Variants in CASD1 observed in about 807,000 individuals in gnomAD.
CASD1 encodes CAS1 domain sialic acid O acetyltransferase 1.
Under a neutral mutation model 100.0 loss-of-function variants are expected in CASD1, and 41 were observed. The observed-to-expected ratio is 0.41, with a 90% CI of 0.32 to 0.53. The LOEUF is 0.53. CASD1 is among the 20% of genes least tolerant of loss of function. CASD1 has a pLI of 0.25. For missense variants in CASD1, 774 were observed against 948.7 expected (o/e 0.82, Z 2.42); for synonymous variants, 321 against 315.6 (o/e 1.02, Z -0.18).
At chr7:94,565,881 T>C in the CASD1 span, among the ~76,000 whole-genome samples, 1 of 152,304 alleles carries the variant, frequency 6.6e-6, no homozygotes, top group East Asian at 1.9e-4. Flanking sequence ...AGGGGAAAGG[T>C]ACCAGGGGTA....
At chr7:94,587,011 A>G in the CASD1 span, 1 of 983,224 alleles carries the variant, frequency 1.0e-6, no homozygotes, top group Non-Finnish European at 1.2e-6. Flanking sequence ...GAAAACAAGA[A>G]GGTAATAGGC....
chr7:94,558,433 A>T (rs1231996266), downstream of CASD1, among the ~76,000 whole-genome samples: 1 of 152,190 alleles, frequency 6.6e-6, no homozygotes, highest in African/African-American at 2.4e-5. Context: ...GATTTTTGGA[A>T]CAGTTGAAAG....
chr7:94,514,069 A>AT, intron 1 of CASD1, among the ~76,000 whole-genome samples: 1 of 152,162 alleles, frequency 6.6e-6, no homozygotes, highest in Admixed American at 6.5e-5. Context: ...ATAAATTTTA[A>AT]TTTTTTAAAT....
chr7:94,587,912 A>G, the CASD1 span: 7 of 1,471,298 alleles, frequency 4.8e-6, no homozygotes, highest in African/African-American at 1.0e-4. Context: ...CTTACTTAAT[A>G]GTTTCCCTAC....
chr7:94,520,447 G>A (rs1213844053), intron 3 of CASD1, among the ~76,000 whole-genome samples: 1 of 152,142 alleles, frequency 6.6e-6, no homozygotes, highest in African/African-American at 2.4e-5. Flanking sequence ...TATGCTTTGT[G>A]GGAGACTAGT....
chr7:94,591,867 G>A, the CASD1 span, among the ~76,000 whole-genome samples: 1 of 152,192 alleles, frequency 6.6e-6, no homozygotes, highest in Non-Finnish European at 1.5e-5. Flanking sequence ...GAAAGCAACT[G>A]TGTGTCTTAT....
At chr7:94,563,092 T>C in the CASD1 span, among the ~76,000 whole-genome samples, 537 of 152,182 alleles carry the variant, frequency 3.5e-3, 10 homozygotes, top group Admixed American at 0.03. Context: ...AGTATCACCT[T>C]TAGGGGGGTT....
the CASD1 span, among the ~76,000 whole-genome samples, chr7:94,615,331 C>T: frequency 6.6e-6 from 1 of 151,812 alleles, no homozygotes; most frequent in Non-Finnish European, 1.5e-5. Context: ...TGCACTCTAG[C>T]CTGGGTGACA....
the CASD1 span, among the ~76,000 whole-genome samples, chr7:94,579,327 C>T: frequency 6.6e-6 from 1 of 151,632 alleles, no homozygotes; most frequent in South Asian, 2.1e-4. Flanking sequence ...TGCATGGACT[C>T]CCAAATTAAG....
the CASD1 span, among the ~76,000 whole-genome samples, chr7:94,616,158 C>A: frequency 6.6e-6 from 1 of 152,066 alleles, no homozygotes; most frequent in Non-Finnish European, 1.5e-5. Context: ...GCAGGTTGGG[C>A]TCATGGGGAC....
In CASD1 at chr7:94,555,417, T is replaced by G. The variant is rs529145039; in HGVS notation, c.2128-75T>G. 1.2e-4 allele frequency: 172 copies of G among 1,413,720 alleles called. 1 individual carries two copies. The African/African-American group carries it at 2.4e-3, about 20-fold the overall frequency. 87.6% of individuals were successfully genotyped at this position (1,413,720 alleles called of 1,614,324 possible). A position where few individuals can be genotyped will look rare whatever the true frequency, so the allele number is the denominator to read the frequency against. ...TTCTAATGTTATTATGCAACCAAATTGTTTAAATTAGGGAAAACTGTAATT... is the reference window on the plus strand; with the variant it reads ...TTCTAATGTTATTATGCAACCAAATGGTTTAAATTAGGGAAAACTGTAATT... On this transcript the variant is annotated intron_variant, in intron 17 of 17. Transcript: ENST00000297273.
the CASD1 span, among the ~76,000 whole-genome samples, chr7:94,610,588 T>A: frequency 6.6e-6 from 1 of 152,142 alleles, no homozygotes; most frequent in East Asian, 1.9e-4. Context: ...AATATGACCT[T>A]GGATTAGGCA....
Position 94,552,168 on chromosome 7 carries a change from G to T in CASD1, c.1957-182G>T, listed in dbSNP as rs10268833. 53,981 of 547,158 alleles carry T rather than the reference G, an allele frequency of 0.099. 3,063 individuals carry two copies. Among genetic ancestry groups the T allele is most frequent in the East Asian group, 0.21 (6,107 of 29,764 alleles). The allele number at this position is 547,158 out of a possible 1,614,324, so 33.9% of individuals were successfully genotyped here. On this transcript the variant is annotated intron_variant, in intron 15 of 17. Transcript: ENST00000297273. ...CCTCCCTCTGTGCTTTCTTATGTTTGGACAGTTGAACATACCAAAACAGGT... is the reference window on the plus strand; with the variant it reads ...CCTCCCTCTGTGCTTTCTTATGTTTTGACAGTTGAACATACCAAAACAGGT...
intron 11 of CASD1, 92 bp from the exon 12 acceptor site, chr7:94,545,453 T>C: frequency 1.2e-6 from 1 of 868,700 alleles, no homozygotes; most frequent in East Asian, 2.5e-5. Flanking sequence ...CCATTTATAC[T>C]CTGTCAGAGA....
the CASD1 span, among the ~76,000 whole-genome samples, chr7:94,612,255 G>GT: frequency 3.0e-4 from 45 of 151,778 alleles, 2 homozygotes; most frequent in African/African-American, 7.7e-4. Context: ...GCTTTGAAAT[G>GT]TTTTTTTTCT....
the CASD1 span, among the ~76,000 whole-genome samples, chr7:94,601,128 G>A: frequency 1.8e-4 from 27 of 152,068 alleles, no homozygotes; most frequent in African/African-American, 6.3e-4. Context: ...TAACGTGTGT[G>A]CCTATACGTG....
chr7:94,557,869 A>C (rs1796259053), downstream of CASD1, among the ~76,000 whole-genome samples: 1 of 152,074 alleles, frequency 6.6e-6, no homozygotes, highest in Non-Finnish European at 1.5e-5. Flanking sequence ...CAATGATAGC[A>C]CCTATATATA....
At chr7:94,575,380 C>T in the CASD1 span, among the ~76,000 whole-genome samples, 6 of 152,070 alleles carry the variant, frequency 3.9e-5, no homozygotes, top group Non-Finnish European at 7.4e-5. Context: ...TTAGTCTTAG[C>T]ATCTGTTTCT....
chr7:94,573,846 TATAATGTTGGCTGTGGGTTTGTC>T, the CASD1 span, among the ~76,000 whole-genome samples: 1 of 152,208 alleles, frequency 6.6e-6, no homozygotes, highest in African/African-American at 2.4e-5. Flanking sequence ...GCCCATTCAG[TATAATGTTGGCTGTGGGTTTGTC>T]ATAGATGGCT....
Sources: allele counts gnomAD v4.1 joint callset (sites outside exome capture counted in the v4.1 genomes callset), GRCh38; gene constraint gnomAD v4.1.1; transcripts MANE v1.5; gene names NCBI Gene and HGNC (gene_info 2026-07-23, HGNC 2026-07-21).